The following ADAM12 variants were observed in gnomAD, a reference collection of about 807,000 sequenced individuals.
ADAM12 encodes ADAM metallopeptidase domain 12, also known as disintegrin and metalloproteinase domain-containing protein 12.
In ADAM12, 70 loss-of-function variants were observed where a neutral mutation model predicts 106.4. The observed-to-expected ratio is 0.66, with a 90% CI of 0.54 to 0.80. ADAM12 has a LOEUF of 0.80. Among genes scored for constraint, ADAM12 ranks in the 30% least tolerant of loss-of-function variants. The pLI, the probability that ADAM12 is intolerant of heterozygous loss-of-function variation, is 0.00. For missense variants in ADAM12, 1,010 were observed against 1,171.9 expected, an observed-to-expected ratio of 0.86 and a Z score of 2.02; for synonymous variants, 420 against 433.5, an observed-to-expected ratio of 0.97 and a Z score of 0.39.
intron 2 of ADAM12, among the ~76,000 whole-genome samples, chr10:126,296,803 T>G (rs12571178): frequency 0.019 from 2,867 of 152,370 alleles, 46 homozygotes; most frequent in East Asian, 0.065. Flanking sequence ...CAGGTTTCCC[T>G]ATCGGGGATC....
At chr10:126,293,930 T>C (rs1960262490) in intron 2 of ADAM12, among the ~76,000 whole-genome samples, 1 of 152,182 alleles carries the variant, frequency 6.6e-6, no homozygotes, top group African/African-American at 2.4e-5. Context: ...ACTGCCACAT[T>C]TTACCTGAAA....
intron 3 of ADAM12, among the ~76,000 whole-genome samples, chr10:126,237,789 C>G (rs1190112395): frequency 6.6e-6 from 1 of 152,160 alleles, no homozygotes; most frequent in Non-Finnish European, 1.5e-5. Context: ...TCAGAGGCCC[C>G]CACTGGAAAG....
rs142783156 is a variant in ADAM12 at position 126,162,766 on chromosome 10, G to A, written c.261-7461C>T. Among the ~76,000 whole-genome samples the A allele has an allele frequency of 3.1e-3, 477 of 152,256 alleles. 2 individuals are homozygous for A. The highest frequency in any genetic ancestry group is 0.011 in the African/African-American group (449 of 41,554). ...TGCGTAACAGACTGAGGACTCTTGCGTGATGTCAACAGAGATGGGTCACTC... is the reference window on the plus strand; with the variant it reads ...TGCGTAACAGACTGAGGACTCTTGCATGATGTCAACAGAGATGGGTCACTC... On this transcript the variant is annotated intron_variant, in intron 3 of 22. Transcript: ENST00000448723.
At chr10:126,284,226 G>A (rs892967068) in intron 2 of ADAM12, among the ~76,000 whole-genome samples, 5 of 151,100 alleles carry the variant, frequency 3.3e-5, no homozygotes, top group African/African-American at 4.9e-5. Flanking sequence ...CTAGCTACTC[G>A]GGAGGCTGAG....
chr10:126,125,927 G>C (rs1440577947), intron 5 of ADAM12, among the ~76,000 whole-genome samples: 2 of 151,728 alleles, frequency 1.3e-5, no homozygotes, highest in African/African-American at 4.8e-5. Context: ...GCATAGCAGG[G>C]ATGGCCAGAA....
intron 2 of ADAM12, among the ~76,000 whole-genome samples, chr10:126,310,641 A>G (rs1056054314): frequency 6.6e-6 from 1 of 152,170 alleles, no homozygotes; most frequent in African/African-American, 2.4e-5. Flanking sequence ...CAGAGGTAAC[A>G]GTATGGAAAC....
intron 3 of ADAM12, among the ~76,000 whole-genome samples, chr10:126,209,874 T>A (rs1413479225): frequency 6.6e-6 from 1 of 152,178 alleles, no homozygotes; most frequent in Non-Finnish European, 1.5e-5. Flanking sequence ...TCTGGACCCA[T>A]GAAAAGCTCA....
At position 126,236,536 on chromosome 10, in the gene ADAM12, G is replaced by T. The variant is rs1017167630; in HGVS notation, c.260+42379C>A. On this transcript the variant is annotated intron_variant, in intron 3 of 22. Coordinates refer to ENST00000448723, the MANE Select transcript of ADAM12 (RefSeq NM_001288973.2). ...ACAGAGGTGGATACTGCATGGGAGA[G>T]TGTGGAAAGGAAAGCAAGCACGGCT... Among the ~76,000 whole-genome samples, 3 of 152,178 alleles carry T rather than the reference G, an allele frequency of 2.0e-5. No homozygotes were observed. The East Asian group carries it at 5.8e-4, about 29-fold the overall frequency.
chr10:126,152,008 GTT>G (rs59527849), intron 4 of ADAM12, among the ~76,000 whole-genome samples: 18 of 133,136 alleles, frequency 1.4e-4, no homozygotes, highest in South Asian at 9.2e-4. Context: ...TCCCTCTTGA[GTT>G]TTTTTTTTTT....
chr10:126,116,379 G>A (rs1285193092), intron 6 of ADAM12, among the ~76,000 whole-genome samples: 2 of 152,148 alleles, frequency 1.3e-5, no homozygotes, highest in Non-Finnish European at 2.9e-5. Flanking sequence ...CCAAGGTTTG[G>A]AATCAAAGGC....
chr10:126,161,108 CTTAT>C (rs112958367), intron 3 of ADAM12, among the ~76,000 whole-genome samples: 38,754 of 151,874 alleles, frequency 0.26, 5,405 homozygotes, highest in South Asian at 0.5. Context: ...CGTCTCCTTA[CTTAT>C]TTATCTCTAC....
chr10:126,195,673 T>C (rs759329887), intron 3 of ADAM12, among the ~76,000 whole-genome samples: 50 of 152,188 alleles, frequency 3.3e-4, no homozygotes, highest in Non-Finnish European at 5.4e-4. Context: ...AACATGTATA[T>C]GATATATATG....
intron 2 of ADAM12, among the ~76,000 whole-genome samples, chr10:126,285,718 T>C (rs1959824111): frequency 6.6e-6 from 1 of 152,190 alleles, no homozygotes; most frequent in Admixed American, 6.5e-5. Flanking sequence ...TCAGTGCACA[T>C]GTGCTCACAG....
chr10:126,191,932 G>C (rs937440331), intron 3 of ADAM12, among the ~76,000 whole-genome samples: 2 of 152,190 alleles, frequency 1.3e-5, no homozygotes, highest in African/African-American at 4.8e-5. Context: ...GAAGGTGAGG[G>C]GGAAGCAGGC....
At chr10:126,365,881 C>T (rs1357204043) in intron 1 of ADAM12, among the ~76,000 whole-genome samples, 3 of 152,186 alleles carry the variant, frequency 2.0e-5, no homozygotes, top group Non-Finnish European at 4.4e-5. Context: ...GTGCTTACTC[C>T]TGTCTTAAAT....
chr10:126,137,346 T>G (rs1956423974), intron 4 of ADAM12, among the ~76,000 whole-genome samples: 1 of 152,192 alleles, frequency 6.6e-6, no homozygotes. Context: ...ATACTCTATT[T>G]TGATATCAGG....
At chr10:126,085,974 C>T (rs1436035439) in intron 11 of ADAM12, among the ~76,000 whole-genome samples, 2 of 152,060 alleles carry the variant, frequency 1.3e-5, no homozygotes, top group South Asian at 2.1e-4. Context: ...GGCCTCTGTG[C>T]CTGGGGAGAG....
intron 3 of ADAM12, among the ~76,000 whole-genome samples, chr10:126,238,640 C>G (rs1211354987): frequency 1.3e-5 from 2 of 151,992 alleles, no homozygotes; most frequent in Non-Finnish European, 2.9e-5. Flanking sequence ...AGTTGTATGT[C>G]AAAAAACATA....
rs1247912829 is a variant in ADAM12 at position 126,012,601 on chromosome 10, G to C, written c.*4678C>G. The C allele has an allele frequency of 6.6e-6, 1 of 152,172 alleles. No homozygotes were observed. The highest frequency in any genetic ancestry group is 1.5e-5 in the Non-Finnish European group (1 of 68,016). 9.4% of individuals were successfully genotyped at this position (152,172 alleles called of 1,614,324 possible). A position where few individuals can be genotyped will look rare whatever the true frequency, so the allele number is the denominator to read the frequency against. ...AAATTACTTTGCTGTTTACGTAACT[G>C]TATCTTTAATCTGTACTGTGCTAAA... On this transcript the variant is annotated 3_prime_UTR_variant, in exon 23 of 23. Transcript: ENST00000448723.
Sources: gnomAD v4.1 joint callset for allele counts (sites outside exome capture counted in the v4.1 genomes callset) on GRCh38, gnomAD v4.1.1 for gene constraint, MANE v1.5 for transcripts, NCBI Gene and HGNC (gene_info 2026-07-23, HGNC 2026-07-21) for gene names.